The following LRP1B variants were observed in gnomAD, a reference collection of about 807,000 sequenced individuals.
The protein encoded by LRP1B is LDL receptor related protein 1B.
In LRP1B, 217 loss-of-function variants were observed where a neutral mutation model predicts 556.6. The observed-to-expected ratio is 0.39, with a 90% CI of 0.35 to 0.44. The LOEUF is 0.44. Among genes scored for constraint, LRP1B ranks in the 20% least tolerant of loss-of-function variants. The pLI is 1.00. For missense variants in LRP1B, 5,053 were observed against 5,620.8 expected, an observed-to-expected ratio of 0.90 and a Z score of 3.23; for synonymous variants, 2,047 against 1,865.8, an observed-to-expected ratio of 1.10 and a Z score of -2.50.
At chr2:140,552,286 T>G (rs1464004227) in intron 43 of LRP1B, among the ~76,000 whole-genome samples, 2 of 152,080 alleles carry the variant, frequency 1.3e-5, no homozygotes, top group African/African-American at 4.8e-5. Flanking sequence ...TTGACATAAA[T>G]AAAAACAGTT....
intron 1 of LRP1B, among the ~76,000 whole-genome samples, chr2:142,074,067 T>C (rs1705415129): frequency 6.6e-6 from 1 of 152,072 alleles, no homozygotes; most frequent in African/African-American, 2.4e-5. Context: ...TCTTCATTCT[T>C]GCCACTCTCC....
intron 7 of LRP1B, among the ~76,000 whole-genome samples, chr2:141,064,871 T>A (rs1208310976): frequency 2.6e-5 from 4 of 151,882 alleles, no homozygotes; most frequent in African/African-American, 9.7e-5. Flanking sequence ...TAAATGTTGT[T>A]GGGTTAAAAA....
intron 1 of LRP1B, among the ~76,000 whole-genome samples, chr2:141,825,497 A>C (rs1282441128): frequency 6.6e-6 from 1 of 152,230 alleles, no homozygotes; most frequent in Non-Finnish European, 1.5e-5. Context: ...AAAGATAGTG[A>C]GACAGTGATT....
chr2:142,101,182 T>A (rs1706556284), intron 1 of LRP1B, among the ~76,000 whole-genome samples: 1 of 151,980 alleles, frequency 6.6e-6, no homozygotes, highest in South Asian at 2.1e-4. Context: ...ACAGTGGTGA[T>A]TGCTCTGGTG....
chr2:140,818,661 A>C (rs1036392918), intron 31 of LRP1B, among the ~76,000 whole-genome samples: 1 of 152,038 alleles, frequency 6.6e-6, no homozygotes, highest in East Asian at 1.9e-4. Flanking sequence ...CTGGCTGGGC[A>C]CTGTGGCTCA....
chr2:141,291,237 G>A (rs1219819856), intron 3 of LRP1B, among the ~76,000 whole-genome samples: 1 of 151,856 alleles, frequency 6.6e-6, no homozygotes, highest in Non-Finnish European at 1.5e-5. Context: ...TCTTACTTTT[G>A]TGAGAAAATT....
rs779303787 is a variant in LRP1B, at chr2:140,776,208, A to G, written c.5390T>C (p.Leu1797Ser). 3 of 1,603,286 alleles carry G rather than the reference A, an allele frequency of 1.9e-6. No individual in the cohort carries two copies. The highest frequency in any genetic ancestry group is 2.6e-6 in the Non-Finnish European group (3 of 1,174,996). The change falls in exon 33 of 91, where the codon TTA becomes TCA. Residue 1797 changes from leucine (L) to serine (S), a missense_variant. Leu to Ser is a moderately radical substitution (Grantham distance 145, BLOSUM62 -2). Coordinates refer to ENST00000389484, the MANE Select transcript of LRP1B (RefSeq NM_018557.3). The part of the protein sequence containing the change: ...DKKLWWADQN[L>S]AQLGTCSKRD... ...TTTGCTGCAGGTTCCTAGCTGGGCT[A>G]AGTTTTGGTCTGCCCACCACAGTTT... is the stretch of plus-strand genomic sequence containing the variant.
At chr2:140,724,008 C>G (rs888416920) in intron 35 of LRP1B, among the ~76,000 whole-genome samples, 1 of 152,190 alleles carries the variant, frequency 6.6e-6, no homozygotes, top group African/African-American at 2.4e-5. Context: ...TTCTTGTACA[C>G]AGTTCCTAAA....
At chr2:140,706,427 TAA>T (rs1472123400) in intron 37 of LRP1B, among the ~76,000 whole-genome samples, 1 of 152,180 alleles carries the variant, frequency 6.6e-6, no homozygotes, top group Non-Finnish European at 1.5e-5. Flanking sequence ...ATCTGAATAA[TAA>T]AATAGTATTT....
At chr2:142,048,449 G>A (rs1027826624) in intron 1 of LRP1B, among the ~76,000 whole-genome samples, 1 of 152,020 alleles carries the variant, frequency 6.6e-6, no homozygotes, top group African/African-American at 2.4e-5. Flanking sequence ...GCCATCAAAA[G>A]TTATTTTCTG....
chr2:142,050,498 G>A (rs573084318), intron 1 of LRP1B, among the ~76,000 whole-genome samples: 1 of 152,068 alleles, frequency 6.6e-6, no homozygotes, highest in Non-Finnish European at 1.5e-5. Flanking sequence ...ATAAGTGTTA[G>A]GGTGAAATAT....
chr2:141,529,373 C>T (rs185885420), intron 2 of LRP1B, among the ~76,000 whole-genome samples: 1,646 of 152,268 alleles, frequency 0.011, 13 homozygotes, highest in Middle Eastern at 0.017. Context: ...GAGGCACTCA[C>T]TTTCTCTTGA....
chr2:141,117,100 TTTTCA>T (rs542259309), intron 7 of LRP1B, among the ~76,000 whole-genome samples: 1 of 149,800 alleles, frequency 6.7e-6, no homozygotes, highest in Non-Finnish European at 1.5e-5. Context: ...CCCAAGTATC[TTTTCA>T]TTTATCATTG....
chr2:140,718,959 T>C (rs1020656950), intron 35 of LRP1B, among the ~76,000 whole-genome samples: 1 of 152,130 alleles, frequency 6.6e-6, no homozygotes, highest in Admixed American at 6.6e-5. Flanking sequence ...TCTACAAAAA[T>C]TATTCTTTTA....
intron 7 of LRP1B, among the ~76,000 whole-genome samples, chr2:141,114,755 T>C (rs574031350): frequency 6.6e-6 from 1 of 152,280 alleles, no homozygotes; most frequent in South Asian, 2.1e-4. Flanking sequence ...TGCCCTCTTC[T>C]ACCCAGCATT....
chr2:141,385,752 T>C (rs779127882), intron 3 of LRP1B, among the ~76,000 whole-genome samples: 4 of 152,176 alleles, frequency 2.6e-5, no homozygotes, highest in Non-Finnish European at 5.9e-5. Context: ...TAAAAAGGAA[T>C]ACAGTGTACA....
intron 59 of LRP1B, among the ~76,000 whole-genome samples, chr2:140,481,744 C>T (rs2105356967): frequency 6.6e-6 from 1 of 151,992 alleles, no homozygotes; most frequent in Non-Finnish European, 1.5e-5. Context: ...AGACAGAAGC[C>T]TTGTAATGTT....
At chr2:141,114,999 G>A (rs1232290149) in intron 7 of LRP1B, among the ~76,000 whole-genome samples, 3 of 151,996 alleles carry the variant, frequency 2.0e-5, no homozygotes, top group Non-Finnish European at 2.9e-5. Flanking sequence ...ACTCCTTTCC[G>A]AAGGAAACAA....
chr2:140,748,775 T>TATGATACATATTATATAC (rs1559094583), intron 35 of LRP1B, among the ~76,000 whole-genome samples: 3 of 29,322 alleles, frequency 1.0e-4, no homozygotes, highest in Non-Finnish European at 2.2e-4. Flanking sequence ...ATGTATATAA[T>TATGATACATATTATATAC]ATGTATATAA....
Sources: allele counts gnomAD v4.1 joint callset (sites outside exome capture counted in the v4.1 genomes callset), GRCh38; gene constraint gnomAD v4.1.1; transcripts MANE v1.5; gene names NCBI Gene and HGNC (gene_info 2026-07-23, HGNC 2026-07-21).